Variants in LRRC7 observed in about 807,000 individuals in gnomAD.
The protein encoded by LRRC7 is leucine rich repeat containing 7.
LRRC7 carries 23 observed loss-of-function variants against 175.7 expected under a neutral mutation model. The ratio of observed to expected loss-of-function variants is 0.13; its 90% CI spans 0.09 to 0.19. The LOEUF is 0.19. Among genes scored for constraint, LRRC7 ranks in the 10% least tolerant of loss-of-function variants. The probability of loss-of-function intolerance (pLI) is 1.00; values close to 1 mark genes in which losing one functional copy is unlikely to be tolerated. For synonymous variants in LRRC7, 685 were observed against 680.9 expected (o/e 1.01, Z -0.09); for missense variants, 1,354 against 1,904.7 (o/e 0.71, Z 5.38).
intron 26 of LRRC7, among the ~76,000 whole-genome samples, chr1:70,120,443 T>C (rs1365711635): frequency 6.6e-6 from 1 of 152,092 alleles, no homozygotes; most frequent in African/African-American, 2.4e-5. Flanking sequence ...TCTTCTTTAC[T>C]ACATCATTAG....
chr1:69,681,240 G>A (rs948704946), intron 2 of LRRC7, among the ~76,000 whole-genome samples: 4 of 152,082 alleles, frequency 2.6e-5, no homozygotes, highest in Admixed American at 2.6e-4. Context: ...ACCAAGACTT[G>A]TCGGTCAACT....
rs77925730 is a variant in LRRC7 at position 69,703,551 on chromosome 1, G to A, written c.100+25073G>A. Among the ~76,000 whole-genome samples the A allele has an allele frequency of 0.011, 1,712 of 151,880 alleles. 108 individuals are homozygous for A. In the East Asian group the frequency reaches 0.2, roughly 17 times the overall value. ...GTACTAGCTGGCTAGTTTATCAAAGGAAATATTACTTTAGAGCTATTTATA... is the reference window on the plus strand; with the variant it reads ...GTACTAGCTGGCTAGTTTATCAAAGAAAATATTACTTTAGAGCTATTTATA... On this transcript the variant is annotated intron_variant, in intron 2 of 26. Transcript: ENST00000651989.
intron 7 of LRRC7, among the ~76,000 whole-genome samples, chr1:69,899,796 T>A (rs1169374428): frequency 6.6e-6 from 1 of 152,162 alleles, no homozygotes; most frequent in Non-Finnish European, 1.5e-5. Context: ...TTCGTGCAGC[T>A]CTTCGGCCGT....
Position 70,087,991 on chromosome 1 carries a change from A to C in LRRC7, c.4453-1736A>C, listed in dbSNP as rs569521990. On this transcript the variant is annotated intron_variant, in intron 24 of 26. Coordinates refer to ENST00000651989, the MANE Select transcript of LRRC7 (RefSeq NM_001370785.2). ...GAACTAAGAGGTAGGGATTGAAGAT[A>C]GCTCACAATAAAAATGTAAAGAGTG... 2.0e-5 allele frequency among the ~76,000 whole-genome samples: 3 copies of C among 152,216 alleles called. No individual in the cohort carries two copies. In the South Asian group the frequency reaches 6.2e-4, roughly 32 times the overall value.
chr1:69,906,338 C>T (rs1181331326), intron 7 of LRRC7, among the ~76,000 whole-genome samples: 2 of 152,178 alleles, frequency 1.3e-5, no homozygotes, highest in East Asian at 3.9e-4. Context: ...CTTGCCCTTG[C>T]CTATGTCCTG....
At chr1:69,969,765 C>T (rs540382985) in intron 8 of LRRC7, among the ~76,000 whole-genome samples, 106 of 152,050 alleles carry the variant, frequency 7.0e-4, no homozygotes, top group Non-Finnish European at 1.3e-3. Context: ...TAAACTATAC[C>T]CCAGAACAAA....
chr1:70,006,748 T>A (rs542315381), intron 11 of LRRC7, among the ~76,000 whole-genome samples: 1 of 152,280 alleles, frequency 6.6e-6, no homozygotes, highest in East Asian at 1.9e-4. Context: ...AGGCCTCCTG[T>A]ACTTCTGGCT....
rs78413043 is a variant in LRRC7, at chr1:70,129,333, G to A, written c.*7446G>A. On this transcript the variant is annotated 3_prime_UTR_variant, in exon 27 of 27. Coordinates refer to ENST00000651989, the MANE Select transcript of LRRC7 (RefSeq NM_001370785.2). ...GGCAACATTTGATAGGCTAAACGTG[G>A]CAAGTGTGAATGCCTTGCTAGACAA... Among the ~76,000 whole-genome samples the A allele has an allele frequency of 6.6e-6, 1 of 151,968 alleles. No individual in the cohort carries two copies.
intron 1 of LRRC7, among the ~76,000 whole-genome samples, chr1:69,579,962 C>T (rs945758129): frequency 2.6e-5 from 4 of 151,908 alleles, no homozygotes; most frequent in African/African-American, 9.7e-5. Flanking sequence ...ACCCAGTGCA[C>T]TGCTTGCTCT....
At chr1:69,928,517 G>A (rs549095548) in intron 7 of LRRC7, among the ~76,000 whole-genome samples, 14 of 152,302 alleles carry the variant, frequency 9.2e-5, no homozygotes, top group South Asian at 2.1e-4. Flanking sequence ...AATGGTGGGC[G>A]CCCCTCCCCC....
At chr1:69,678,335 T>C (rs1051877447) in intron 1 of LRRC7, 46 bp from the exon 2 acceptor site, 28 of 1,319,380 alleles carry the variant, frequency 2.1e-5, no homozygotes, top group Non-Finnish European at 3.0e-5. Flanking sequence ...TAAACATTTA[T>C]CCAAAAAAAA....
rs1553183907 is a variant in LRRC7 at position 69,978,950 on chromosome 1, A to AAAC, written c.712-1428_712-1427insACA. Among the ~76,000 whole-genome samples, 384 of 150,224 alleles carry AAAC rather than the reference A, an allele frequency of 2.6e-3. 1 individual carries two copies. Among genetic ancestry groups the AAAC allele is most frequent in the African/African-American group, 8.7e-3 (351 of 40,382 alleles). ...TCAGTTAGAAAAAAAAAAAAAAAAA[A>AAAC]ACAGAAAATCTGCCTTCCAGGCTTA... is the stretch of plus-strand genomic sequence containing the variant. On this transcript the variant is annotated intron_variant, in intron 8 of 26. Transcript: ENST00000651989.
chr1:69,921,586 T>C (rs1646889903), intron 7 of LRRC7, among the ~76,000 whole-genome samples: 1 of 152,216 alleles, frequency 6.6e-6, no homozygotes, highest in African/African-American at 2.4e-5. Context: ...GCATCTCTCC[T>C]ATCTGACATC....
At chr1:69,893,792 C>A (rs1285608359) in intron 7 of LRRC7, among the ~76,000 whole-genome samples, 4 of 148,886 alleles carry the variant, frequency 2.7e-5, no homozygotes, top group Non-Finnish European at 6.0e-5. Context: ...ATTTTTAATA[C>A]AAAATTTCTC....
chr1:69,702,678 A>G (rs1419431114), intron 2 of LRRC7, among the ~76,000 whole-genome samples: 3 of 152,256 alleles, frequency 2.0e-5, no homozygotes, highest in East Asian at 1.9e-4. Flanking sequence ...GAAGTATCCA[A>G]TCAAGAATAA....
chr1:70,039,342 A>G lies in LRRC7; in HGVS notation c.3518A>G (p.His1173Arg), dbSNP rs1270339711. The change falls in exon 21 of 27, where the codon CAT (histidine) becomes CGT (arginine). Residue 1173 changes from histidine (H) to arginine (R), a missense_variant. Around this residue, in one of 4 missense-constraint regions of LRRC7, gnomAD observed 1,032 missense variants for 1,227.2 expected, o/e 0.84. Coordinates refer to ENST00000651989, the MANE Select transcript of LRRC7 (RefSeq NM_001370785.2). ...MAMFRRVNEPHELPPTDRYGR... is the reference protein window; with the variant it reads ...MAMFRRVNEPRELPPTDRYGR... ...ATGTTTAGAAGGGTCAATGAGCCTC[A>G]TGAGCTGCCCCCAACTGATAGGTAC... The G allele has an allele frequency of 1.9e-6, 3 of 1,614,036 alleles. No individual in the cohort carries two copies. The highest frequency in any genetic ancestry group is 1.7e-5 in the Admixed American group (1 of 60,026).
At chr1:70,057,889 A>C (rs1484660467) in intron 23 of LRRC7, among the ~76,000 whole-genome samples, 5 of 152,048 alleles carry the variant, frequency 3.3e-5, no homozygotes, top group Non-Finnish European at 5.9e-5. Flanking sequence ...TGTCCTGTGC[A>C]CCTGAGAGTG....
Position 70,135,536 on chromosome 1 carries a change from T to C in LRRC7, c.*13649T>C, listed in dbSNP as rs751001155. 8.5e-5 allele frequency among the ~76,000 whole-genome samples: 13 copies of C among 152,124 alleles called. No individual in the cohort carries two copies. The highest frequency in any genetic ancestry group is 1.6e-4 in the Non-Finnish European group (11 of 68,010). On this transcript the variant is annotated 3_prime_UTR_variant, in exon 27 of 27. Coordinates refer to ENST00000651989, the MANE Select transcript of LRRC7 (RefSeq NM_001370785.2). ...TCACTTAAAATGCACTGAGATCCTT[T>C]TGAAACATCTCACGCACTCCTCCCC...
At chr1:69,849,750 TA>T (rs1199005516) in intron 7 of LRRC7, among the ~76,000 whole-genome samples, 2 of 152,046 alleles carry the variant, frequency 1.3e-5, no homozygotes, top group African/African-American at 4.8e-5. Context: ...ACTGCCTACT[TA>T]ATTCCCTAAA....
Sources: allele counts gnomAD v4.1 joint callset (sites outside exome capture counted in the v4.1 genomes callset), GRCh38; gene constraint gnomAD v4.1.1; regional missense constraint gnomAD v4.1.1; transcripts MANE v1.5; gene names NCBI Gene and HGNC (gene_info 2026-07-23, HGNC 2026-07-21).